Variants in IARS1 observed in about 807,000 individuals in gnomAD.
The protein encoded by IARS1 is isoleucine--tRNA ligase, cytoplasmic.
IARS1 carries 124 observed loss-of-function variants against 168.2 expected under a neutral mutation model. The ratio of observed to expected loss-of-function variants is 0.74; its 90% CI spans 0.64 to 0.86. IARS1 has a LOEUF of 0.86. Among genes scored for constraint, IARS1 ranks in the 40% least tolerant of loss-of-function variants. The pLI, the probability that IARS1 is intolerant of heterozygous loss-of-function variation, is 0.00. For synonymous variants in IARS1, 532 were observed against 529.4 expected (o/e 1.00, Z -0.07); for missense variants, 1,452 against 1,515.8 (o/e 0.96, Z 0.70).
chr9:92,265,609 G>A (rs2133831302), intron 14 of IARS1, 56 bp from the exon 15 acceptor site: 5 of 1,305,006 alleles, frequency 3.8e-6, no homozygotes, highest in Non-Finnish European at 5.6e-6. Context: ...AGAGCATACT[G>A]AGTTAATTTA....
chr9:92,233,213 A>T (rs1020840171), intron 30 of IARS1, among the ~76,000 whole-genome samples: 1 of 152,250 alleles, frequency 6.6e-6, no homozygotes, highest in African/African-American at 2.4e-5. Context: ...AATTCTTAGA[A>T]ATCTGATAGC....
rs72750429 is a variant in IARS1, at chr9:92,235,829, T to C, written c.3283+5027A>G. 1.2e-3 allele frequency among the ~76,000 whole-genome samples: 178 copies of C among 152,064 alleles called. 1 individual carries two copies. Among genetic ancestry groups the C allele is most frequent in the Non-Finnish European group, 2.0e-3 (138 of 67,988 alleles). On this transcript the variant is annotated intron_variant, in intron 30 of 33. Coordinates refer to ENST00000443024, the MANE Select transcript of IARS1 (RefSeq NM_002161.6). Reference sequence around the variant, plus strand: ...CGTGACCCACCTCGCCTGGACTAGATTGATTTTTAAATATTGAATCAGCCT... The same window carrying C: ...CGTGACCCACCTCGCCTGGACTAGACTGATTTTTAAATATTGAATCAGCCT...
intron 25 of IARS1, among the ~76,000 whole-genome samples, chr9:92,248,482 G>C (rs1177783490): frequency 6.6e-6 from 1 of 151,338 alleles, no homozygotes; most frequent in Non-Finnish European, 1.5e-5. Context: ...AGACCAGCCC[G>C]GGCAACATGG....
intron 30 of IARS1, among the ~76,000 whole-genome samples, chr9:92,239,436 A>G (rs1486943863): frequency 6.6e-6 from 1 of 152,138 alleles, no homozygotes; most frequent in Admixed American, 6.5e-5. Context: ...CCTGTAAGTT[A>G]GGTGTTATAT....
intron 14 of IARS1, among the ~76,000 whole-genome samples, chr9:92,267,864 A>AG (rs1488475835): frequency 6.6e-6 from 1 of 152,168 alleles, no homozygotes; most frequent in East Asian, 1.9e-4. Flanking sequence ...ACCTTAATGT[A>AG]GGGGGAAGAA....
intron 33 of IARS1, among the ~76,000 whole-genome samples, chr9:92,217,284 G>C (rs969453051): frequency 5.2e-4 from 78 of 149,586 alleles, no homozygotes; most frequent in African/African-American, 1.9e-3. Context: ...GTGTGTAGAG[G>C]GAAATTTATA....
chr9:92,210,796 A>G lies in IARS1; in HGVS notation c.*11T>C, dbSNP rs754717194. On this transcript the variant is annotated 3_prime_UTR_variant, in exon 34 of 34. Coordinates refer to ENST00000443024, the MANE Select transcript of IARS1 (RefSeq NM_002161.6). ...GGGAAGGGCTGACCGAACAACATTG[A>G]TAAGTACATGCTAGAAGTCTGCTGT... 15 of 1,567,694 alleles carry G rather than the reference A, an allele frequency of 9.6e-6. No individual in the cohort carries two copies. Among genetic ancestry groups the G allele is most frequent in the African/African-American group, 8.2e-5 (6 of 72,808 alleles).
At chr9:92,238,338 C>G (rs550896128) in intron 30 of IARS1, among the ~76,000 whole-genome samples, 3 of 152,194 alleles carry the variant, frequency 2.0e-5, no homozygotes, top group Non-Finnish European at 2.9e-5. Flanking sequence ...GTTTGGGTCA[C>G]TGGTGCCGAT....
intron 30 of IARS1, among the ~76,000 whole-genome samples, chr9:92,239,327 G>C (rs1439413986): frequency 6.6e-6 from 1 of 152,048 alleles, no homozygotes; most frequent in Non-Finnish European, 1.5e-5. Context: ...TGGAATTCTT[G>C]GTAGACAATA....
At chr9:92,244,087 A>C (rs1000509210) in intron 27 of IARS1, among the ~76,000 whole-genome samples, 1 of 152,180 alleles carries the variant, frequency 6.6e-6, no homozygotes, top group Admixed American at 6.5e-5. Context: ...CAGTCAGTGC[A>C]GGGCCACTAC....
chr9:92,244,812 T>C (rs1009152515), intron 27 of IARS1, 147 bp downstream of exon 27: 50 of 608,184 alleles, frequency 8.2e-5, no homozygotes, highest in Non-Finnish European at 1.4e-4. Flanking sequence ...AATATATTAG[T>C]TTAATAAAGC....
intron 7 of IARS1, 142 bp from the exon 8 acceptor site, chr9:92,278,428 G>A: frequency 1.5e-6 from 1 of 648,664 alleles, no homozygotes; most frequent in Non-Finnish European, 2.8e-6. Flanking sequence ...GAGAAATACT[G>A]CAAAGAACAC....
intron 28 of IARS1, 49 bp from the exon 29 acceptor site, chr9:92,242,379 CAGAACTGAAGGA>C: frequency 1.4e-6 from 2 of 1,461,942 alleles, no homozygotes; most frequent in Admixed American, 3.8e-5. Flanking sequence ...TTCTATTAAT[CAGAACTGAAGGA>C]AGGTACTGTT....
rs115825549 is a variant in IARS1, at chr9:92,274,465, T to G, written c.951A>C (p.Glu317Asp). ...VLVDNYVKEE[E>D]GTGVVHQAPY... Reference sequence around the variant, plus strand: ...GAGCTTGGTGGACAACCCCTGTGCCTTCTTCTTCCTTCACATAGTTGTCAA... The same window carrying G: ...GAGCTTGGTGGACAACCCCTGTGCCGTCTTCTTCCTTCACATAGTTGTCAA... The change falls in exon 10 of 34, where the codon GAA becomes GAC. Residue 317 changes from glutamate to aspartate, a missense_variant. Transcript: ENST00000443024. 2,004 of 1,613,852 alleles carry G rather than the reference T, an allele frequency of 1.2e-3. 25 individuals carry two copies. The African/African-American group carries it at 0.022, about 18-fold the overall frequency.
intron 30 of IARS1, among the ~76,000 whole-genome samples, chr9:92,237,376 C>T (rs1193802930): frequency 6.6e-6 from 1 of 152,044 alleles, no homozygotes; most frequent in African/African-American, 2.4e-5. Context: ...TAGTTTGATT[C>T]TACTGTGGTC....
At chr9:92,267,303 GA>G (rs1409919894) in intron 14 of IARS1, among the ~76,000 whole-genome samples, 1 of 152,150 alleles carries the variant, frequency 6.6e-6, no homozygotes, top group Non-Finnish European at 1.5e-5. Flanking sequence ...GTTCAGTCCT[GA>G]AAAGTCTTCT....
rs1587799599 is a variant in IARS1, at chr9:92,251,947, A to AG, written c.2230-63_2230-62insC. On this transcript the variant is annotated intron_variant, in intron 21 of 33. Transcript: ENST00000443024. ...TAAATAAGTGTTTATCATTAAAAAA[A>AG]TAAGTTTATTAAAAAGAGGCAATCT... 3 of 1,211,512 alleles carry AG rather than the reference A, an allele frequency of 2.5e-6. No individual in the cohort carries two copies. The East Asian group carries it at 7.4e-5, about 30-fold the overall frequency. 75.0% of individuals were successfully genotyped at this position (1,211,512 alleles called of 1,614,324 possible).
intron 6 of IARS1, among the ~76,000 whole-genome samples, chr9:92,285,340 C>T (rs1178529638): frequency 2.6e-5 from 4 of 152,106 alleles, no homozygotes; most frequent in Non-Finnish European, 4.4e-5. Context: ...TTTCCAAATA[C>T]CGTTAACAAA....
chr9:92,280,689 C>G, intron 7 of IARS1, 57 bp downstream of exon 7: 1 of 1,154,202 alleles, frequency 8.7e-7, no homozygotes, highest in Non-Finnish European at 1.2e-6. Flanking sequence ...TTCATATTTT[C>G]CAAAATATAA....
Sources: allele counts gnomAD v4.1 joint callset (sites outside exome capture counted in the v4.1 genomes callset), GRCh38; gene constraint gnomAD v4.1.1; transcripts MANE v1.5; gene names NCBI Gene and HGNC (gene_info 2026-07-23, HGNC 2026-07-21).